ZNF521: variants seen among roughly 807,000 people sequenced by gnomAD.
The protein encoded by ZNF521 is LYST-interacting protein 3.
Under a neutral mutation model 105.5 loss-of-function variants are expected in ZNF521, and 14 were observed. The ratio of observed to expected loss-of-function variants is 0.13; its 90% CI spans 0.09 to 0.21. ZNF521 has a LOEUF of 0.21. ZNF521 is among the 10% of genes least tolerant of loss of function. The pLI is 1.00. For missense variants in ZNF521, 1,233 were observed against 1,629.7 expected (o/e 0.76, Z 4.19); for synonymous variants, 635 against 606.0 (o/e 1.05, Z -0.70).
At chr18:25,318,116 T>G (rs7228404) in intron 3 of ZNF521, among the ~76,000 whole-genome samples, 17 of 152,154 alleles carry the variant, frequency 1.1e-4, no homozygotes, top group African/African-American at 4.1e-4. Flanking sequence ...GTTCATATAA[T>G]GGAATACTAC....
At chr18:25,177,237 G>T (rs919642294) in intron 5 of ZNF521, among the ~76,000 whole-genome samples, 2 of 152,050 alleles carry the variant, frequency 1.3e-5, no homozygotes, top group Non-Finnish European at 2.9e-5. Context: ...ATCTTTCCCT[G>T]AACTGAAGAG....
intron 2 of ZNF521, among the ~76,000 whole-genome samples, chr18:25,336,103 G>C (rs1292487222): frequency 6.6e-6 from 1 of 152,190 alleles, no homozygotes; most frequent in South Asian, 2.1e-4. Context: ...TAAAGCACCG[G>C]CTAGACACAG....
At chr18:25,137,656 T>C (rs992346338) in intron 5 of ZNF521, among the ~76,000 whole-genome samples, 5 of 152,088 alleles carry the variant, frequency 3.3e-5, no homozygotes, top group Admixed American at 2.6e-4. Flanking sequence ...CACTTCCTTA[T>C]GGACAAGCAG....
chr18:25,256,383 A>T (rs959321380), intron 3 of ZNF521, among the ~76,000 whole-genome samples: 1 of 152,144 alleles, frequency 6.6e-6, no homozygotes, highest in African/African-American at 2.4e-5. Context: ...TTGGATATGT[A>T]AAATTTTATG....
At chr18:25,246,309 C>T (rs760113407) in intron 3 of ZNF521, among the ~76,000 whole-genome samples, 28 of 152,166 alleles carry the variant, frequency 1.8e-4, no homozygotes, top group Non-Finnish European at 3.8e-4. Context: ...GAGTTTGTTG[C>T]TCAAAAGCTA....
chr18:25,132,458 T>C lies in ZNF521; in HGVS notation c.3659-40377A>G, dbSNP rs536960301. Among the ~76,000 whole-genome samples, 4 of 152,298 alleles carry C rather than the reference T, an allele frequency of 2.6e-5. No individual in the cohort carries two copies. The East Asian group carries it at 7.7e-4, about 29-fold the overall frequency. On this transcript the variant is annotated intron_variant, in intron 5 of 7. Transcript: ENST00000361524. ...CTAGTAAAGAGAAAAATAAATACTT[T>C]AATTTCAGGCACAATTTTGTTTTGT... is the stretch of plus-strand genomic sequence containing the variant.
intron 5 of ZNF521, among the ~76,000 whole-genome samples, chr18:25,149,654 C>G (rs148631172): frequency 3.0e-3 from 463 of 152,260 alleles, no homozygotes; most frequent in African/African-American, 0.011. Context: ...ATTGAGAATG[C>G]TATAAATTTT....
In ZNF521 at chr18:25,227,804, C is replaced by T; in HGVS notation, c.221-107G>A. 2 of 873,340 alleles carry T rather than the reference C, an allele frequency of 2.3e-6. No homozygotes were observed. The highest frequency in any genetic ancestry group is 3.4e-6 in the Non-Finnish European group (2 of 586,854). 54.1% of individuals were successfully genotyped at this position (873,340 alleles called of 1,614,324 possible). A position where few individuals can be genotyped will look rare whatever the true frequency, so the allele number is the denominator to read the frequency against. On this transcript the variant is annotated intron_variant, in intron 3 of 7. Transcript: ENST00000361524. This position sits in a 1 kb window ranked among gnomAD's most constrained non-coding sequence, Gnocchi z 5.7. Reference sequence around the variant, plus strand: ...CAGAGTTGGGCCCTCTTGAATCTTTCAAGAAAAAACAAAATGAAAAGAGAG... The same window carrying T: ...CAGAGTTGGGCCCTCTTGAATCTTTTAAGAAAAAACAAAATGAAAAGAGAG...
intron 5 of ZNF521, among the ~76,000 whole-genome samples, chr18:25,119,461 CAG>C (rs941012674): frequency 5.3e-5 from 8 of 152,152 alleles, no homozygotes; most frequent in Admixed American, 4.6e-4. Context: ...TAAAATCACA[CAG>C]AGTATGCTCT....
At chr18:25,255,090 G>A (rs1908386845) in intron 3 of ZNF521, among the ~76,000 whole-genome samples, 1 of 152,098 alleles carries the variant, frequency 6.6e-6, no homozygotes, top group Non-Finnish European at 1.5e-5. Context: ...TAAGTGCAAA[G>A]TAAATATAAA....
intron 3 of ZNF521, among the ~76,000 whole-genome samples, chr18:25,241,038 C>T (rs1907292655): frequency 6.7e-6 from 1 of 150,190 alleles, no homozygotes. Flanking sequence ...AATATGTAAA[C>T]AGTTATTAGG....
At chr18:25,351,706 T>C (rs1165957796) in intron 1 of ZNF521, 2 of 153,980 alleles carry the variant, frequency 1.3e-5, no homozygotes, top group African/African-American at 2.4e-5. Flanking sequence ...GTAATTTCTT[T>C]CAAAAAGAAA....
chr18:25,249,609 A>T (rs567420832), intron 3 of ZNF521, among the ~76,000 whole-genome samples: 1 of 151,778 alleles, frequency 6.6e-6, no homozygotes, highest in South Asian at 2.1e-4. Flanking sequence ...TTACAGGCGC[A>T]TGCCACCATG....
chr18:25,340,246 T>C (rs979277480), intron 2 of ZNF521, among the ~76,000 whole-genome samples: 6 of 152,040 alleles, frequency 3.9e-5, no homozygotes, highest in Non-Finnish European at 7.4e-5. Flanking sequence ...TCTCAGCTAC[T>C]AGGGAGGCTG....
At chr18:25,239,730 T>A (rs1907176848) in intron 3 of ZNF521, among the ~76,000 whole-genome samples, 2 of 152,144 alleles carry the variant, frequency 1.3e-5, no homozygotes, top group African/African-American at 2.4e-5. Flanking sequence ...AGAATGTAAG[T>A]GTGGTATGCC....
At chr18:25,119,094 A>T (rs1373363958) in intron 5 of ZNF521, among the ~76,000 whole-genome samples, 2 of 152,176 alleles carry the variant, frequency 1.3e-5, no homozygotes, top group Non-Finnish European at 2.9e-5. Context: ...ACCTAAGAAG[A>T]GTTTCAAAAT....
In ZNF521 at chr18:25,255,243, T is replaced by A. The variant is rs557539326; in HGVS notation, c.221-27546A>T. Among the ~76,000 whole-genome samples, 199 of 152,276 alleles carry A rather than the reference T, an allele frequency of 1.3e-3. 1 individual carries two copies. The highest frequency in any genetic ancestry group is 4.7e-3 in the African/African-American group (194 of 41,580). On this transcript the variant is annotated intron_variant, in intron 3 of 7. Transcript: ENST00000361524. ...AACATGAACCTGTTTGAGATTACTT[T>A]ATATTTTTACAATTATTATTGTTAA...
chr18:25,267,900 A>T (rs748164475), intron 3 of ZNF521, among the ~76,000 whole-genome samples: 1 of 152,210 alleles, frequency 6.6e-6, no homozygotes, highest in African/African-American at 2.4e-5. Flanking sequence ...ACTCCTCACC[A>T]GCAAGGGAAC....
intron 4 of ZNF521, among the ~76,000 whole-genome samples, chr18:25,203,459 A>G (rs139416106): frequency 5.3e-4 from 80 of 152,264 alleles, no homozygotes; most frequent in African/African-American, 1.9e-3. Context: ...TCCACAAAAT[A>G]TTAAAAAATT....
Sources: gnomAD v4.1 joint callset for allele counts (sites outside exome capture counted in the v4.1 genomes callset) on GRCh38, gnomAD v4.1.1 for gene constraint, Gnocchi (gnomAD v3.1) non-coding constraint, MANE v1.5 for transcripts, NCBI Gene and HGNC (gene_info 2026-07-23, HGNC 2026-07-21) for gene names.